SH3RF3: variants seen among roughly 807,000 people sequenced by gnomAD.
The protein encoded by SH3RF3 is SH3 domain containing ring finger 3.
Under a neutral mutation model 66.3 loss-of-function variants are expected in SH3RF3, and 29 were observed. The observed-to-expected ratio is 0.44, with a 90% CI of 0.33 to 0.60. The LOEUF (loss-of-function observed/expected upper bound fraction) is 0.60, where lower values mean the gene tolerates loss of function less well. Among genes scored for constraint, SH3RF3 ranks in the 20% least tolerant of loss-of-function variants. SH3RF3 has a pLI of 0.04. For synonymous variants in SH3RF3, 583 were observed against 532.0 expected, an observed-to-expected ratio of 1.10 and a Z score of -1.32; for missense variants, 1,194 against 1,190.9, an observed-to-expected ratio of 1.00 and a Z score of -0.04.
Position 109,306,153 on chromosome 2 carries a change from C to T in SH3RF3, c.574-41521C>T, listed in dbSNP as rs556150839. ...CAGGAAGCAGATAACATTGTCAACACGTCGCTTATAGAGAAAATCCACTAA... is the reference window on the plus strand; with the variant it reads ...CAGGAAGCAGATAACATTGTCAACATGTCGCTTATAGAGAAAATCCACTAA... On this transcript the variant is annotated intron_variant, in intron 1 of 9. Coordinates refer to ENST00000309415, the MANE Select transcript of SH3RF3 (RefSeq NM_001099289.3). Among the ~76,000 whole-genome samples the T allele has an allele frequency of 9.8e-5, 15 of 152,324 alleles. No homozygotes were observed. In the South Asian group the frequency reaches 1.2e-3, roughly 13 times the overall value.
At chr2:109,150,592 G>A (rs2104868568) in intron 1 of SH3RF3, among the ~76,000 whole-genome samples, 1 of 152,284 alleles carries the variant, frequency 6.6e-6, no homozygotes, top group Admixed American at 6.5e-5. Context: ...GGAAAGTGAG[G>A]CCCAGAGAAG....
At chr2:109,153,149 A>G (rs768348569) in intron 1 of SH3RF3, among the ~76,000 whole-genome samples, 3 of 152,196 alleles carry the variant, frequency 2.0e-5, no homozygotes, top group Admixed American at 6.5e-5. Context: ...AAATATTTCA[A>G]TGGAACAGAA....
intron 1 of SH3RF3, among the ~76,000 whole-genome samples, chr2:109,294,205 C>T (rs1303428408): frequency 2.0e-5 from 3 of 152,080 alleles, no homozygotes; most frequent in South Asian, 2.1e-4. Context: ...ACATACAGCT[C>T]CTTGGTGGGG....
intron 9 of SH3RF3, among the ~76,000 whole-genome samples, chr2:109,498,161 G>T (rs560368181): frequency 3.3e-4 from 51 of 152,288 alleles, no homozygotes; most frequent in East Asian, 1.4e-3. Flanking sequence ...CTTCCTTCCC[G>T]CCTGCATGTC....
chr2:109,129,350 GGTCCCCGCC>G lies in SH3RF3; in HGVS notation c.-190_-182del. 1 of 851,266 alleles carries G rather than the reference GGTCCCCGCC, an allele frequency of 1.2e-6. No individual in the cohort carries two copies. Among genetic ancestry groups the G allele is most frequent in the East Asian group, 3.3e-5 (1 of 30,280 alleles). 52.7% of individuals were successfully genotyped at this position (851,266 alleles called of 1,614,324 possible). ...CTGGCCGGTCCCCGCCACGCAGGCC[GGTCCCCGCC>G]ACGCAGGCCGGTCGGTGAGCCACTT... On this transcript the variant is annotated 5_prime_UTR_variant, in exon 1 of 10. Coordinates refer to ENST00000309415, the MANE Select transcript of SH3RF3 (RefSeq NM_001099289.3).
chr2:109,246,016 G>A (rs937427373), intron 1 of SH3RF3, among the ~76,000 whole-genome samples: 1 of 152,222 alleles, frequency 6.6e-6, no homozygotes, highest in Non-Finnish European at 1.5e-5. Flanking sequence ...CAAAAAAAGA[G>A]CATGGATTTT....
chr2:109,238,663 G>A (rs143285155), intron 1 of SH3RF3, among the ~76,000 whole-genome samples: 169 of 152,272 alleles, frequency 1.1e-3, no homozygotes, highest in Middle Eastern at 3.4e-3. Flanking sequence ...ATGAATGGAG[G>A]AGGAGAGTGC....
At chr2:109,400,530 G>T (rs10175760) in intron 4 of SH3RF3, among the ~76,000 whole-genome samples, 9 of 151,534 alleles carry the variant, frequency 5.9e-5, no homozygotes, top group Non-Finnish European at 1.3e-4. Context: ...CACACCTGCA[G>T]ATACACATGC....
At chr2:109,213,513 A>C (rs370229216) in intron 1 of SH3RF3, among the ~76,000 whole-genome samples, 1 of 152,192 alleles carries the variant, frequency 6.6e-6, no homozygotes, top group Non-Finnish European at 1.5e-5. Context: ...GGAGAAGGGC[A>C]TATCTGCCAT....
intron 7 of SH3RF3, 58 bp from the exon 8 acceptor site, chr2:109,449,110 CAG>C: frequency 6.5e-7 from 1 of 1,549,438 alleles, no homozygotes; most frequent in Non-Finnish European, 8.7e-7. Flanking sequence ...AGCTGCCTGG[CAG>C]GCATGGCAAG....
chr2:109,172,545 A>C (rs1424800957), intron 1 of SH3RF3, among the ~76,000 whole-genome samples: 1 of 152,112 alleles, frequency 6.6e-6, no homozygotes, highest in Non-Finnish European at 1.5e-5. Context: ...GTCCCGTCCT[A>C]GCTCTTGTTA....
At chr2:109,249,467 C>CTCTCTTTCTTTCTTTCTTTCTTTCTT (rs1558981118) in intron 1 of SH3RF3, among the ~76,000 whole-genome samples, 1 of 99,290 alleles carries the variant, frequency 1.0e-5, no homozygotes, top group African/African-American at 4.0e-5. Context: ...TTCTCTCTTT[C>CTCTCTTTCTTTCTTTCTTTCTTTCTT]TCTTTCTTTC....
Position 109,259,837 on chromosome 2 carries a change from A to C in SH3RF3, c.574-87837A>C, listed in dbSNP as rs184024985. On this transcript the variant is annotated intron_variant, in intron 1 of 9. Transcript: ENST00000309415. The stretch of plus-strand genomic sequence containing the variant: ...TCTCTGTTTGTCTGGCTCTGAGAGC[A>C]TCTGGTGTTTGGACAGCCTCTGGGC... 1.7e-3 allele frequency among the ~76,000 whole-genome samples: 256 copies of C among 152,270 alleles called. 1 individual carries two copies. The highest frequency in any genetic ancestry group is 2.6e-3 in the Admixed American group (40 of 15,302).
intron 1 of SH3RF3, among the ~76,000 whole-genome samples, chr2:109,297,541 C>T (rs1183364704): frequency 2.7e-5 from 4 of 149,854 alleles, no homozygotes; most frequent in Non-Finnish European, 4.5e-5. Flanking sequence ...CAGGCCAGTG[C>T]CCCCCACCCA....
In SH3RF3 at chr2:109,449,311, C is replaced by T. The variant is rs767853981; in HGVS notation, c.1970C>T (p.Pro657Leu). Residue 657 changes from proline (P) to leucine (L), a missense_variant, in exon 8 of 10, where the codon CCG (proline) becomes CTG (leucine). Pro to Leu is a moderately conservative substitution (Grantham distance 98, BLOSUM62 -3). Transcript: ENST00000309415. ...TCCCCGCAGCACAGCCACCAGCCCC[C>T]GGTGCAGATGTGCCCACGGCCGGCC... ...VVSPQHSHQP[P>L]VQMCPRPAIP... The T allele has an allele frequency of 1.4e-5, 23 of 1,607,558 alleles. No homozygotes were observed. The highest frequency in any genetic ancestry group is 5.1e-5 in the Admixed American group (3 of 59,298).
intron 9 of SH3RF3, among the ~76,000 whole-genome samples, chr2:109,496,227 T>C (rs1332364172): frequency 6.6e-6 from 1 of 152,218 alleles, no homozygotes; most frequent in Non-Finnish European, 1.5e-5. Flanking sequence ...GAGTGCTGAT[T>C]GGCGCGTTTT....
intron 1 of SH3RF3, among the ~76,000 whole-genome samples, chr2:109,323,200 A>G (rs1574573439): frequency 6.6e-6 from 1 of 152,258 alleles, no homozygotes; most frequent in East Asian, 1.9e-4. Context: ...CTAGAGTGGG[A>G]AGGAGGGCCG....
chr2:109,290,673 G>A (rs1460452239), intron 1 of SH3RF3, among the ~76,000 whole-genome samples: 5 of 152,128 alleles, frequency 3.3e-5, no homozygotes, highest in Non-Finnish European at 7.4e-5. Context: ...ATGGTCTTTG[G>A]GAGCAAGGAT....
Position 109,371,442 on chromosome 2 carries a change from G to A in SH3RF3, c.850-144G>A, listed in dbSNP as rs373629309. On this transcript the variant is annotated intron_variant, in intron 2 of 9. Transcript: ENST00000309415. ...AGGGTGCTCCTGGGTGAAGATGTCA[G>A]ATACCTGAATGGATAATGCACTCTT... The A allele has an allele frequency of 8.7e-5, 52 of 600,754 alleles. No individual in the cohort carries two copies. The East Asian group carries it at 1.3e-3, about 15-fold the overall frequency. The allele number at this position is 600,754 out of a possible 1,614,324, so 37.2% of individuals were successfully genotyped here.
Sources: allele counts gnomAD v4.1 joint callset (sites outside exome capture counted in the v4.1 genomes callset), GRCh38; gene constraint gnomAD v4.1.1; transcripts MANE v1.5; gene names NCBI Gene and HGNC (gene_info 2026-07-23, HGNC 2026-07-21).